SEL1L: variants seen among roughly 807,000 people sequenced by gnomAD.
The protein encoded by SEL1L is protein sel-1 homolog 1.
SEL1L carries 52 observed loss-of-function variants against 109.8 expected under a neutral mutation model. The observed-to-expected ratio is 0.47, with a 90% CI of 0.38 to 0.60. The LOEUF is 0.60. SEL1L is among the 20% of genes least tolerant of loss of function. SEL1L has a pLI of 0.00. For synonymous variants in SEL1L, 373 were observed against 339.6 expected (o/e 1.10, Z -1.08); for missense variants, 749 against 962.2 (o/e 0.78, Z 2.93).
intron 3 of SEL1L, among the ~76,000 whole-genome samples, chr14:81,522,533 G>C (rs375270313): frequency 2.0e-5 from 3 of 152,196 alleles, no homozygotes; most frequent in East Asian, 3.8e-4. Context: ...TAGCCTAGTA[G>C]CAATAGGCTA....
chr14:81,498,691 A>C (rs1883882845), intron 8 of SEL1L, 197 bp from the exon 9 acceptor site: 1 of 506,750 alleles, frequency 2.0e-6, no homozygotes, highest in East Asian at 3.1e-5. Context: ...GCTAAGAGCA[A>C]GGAAATAAAT....
At position 81,490,568 on chromosome 14, in the gene SEL1L, T is replaced by C. The variant is rs117739324; in HGVS notation, c.1255-103A>G. On this transcript the variant is annotated intron_variant, in intron 12 of 20. Coordinates refer to ENST00000336735, the MANE Select transcript of SEL1L (RefSeq NM_005065.6). ...GAGTTTTGTCAGATCTCATTAAATC[T>C]TTCCAAAAAATTTAGAATTCCCCAC... 3.4e-3 allele frequency: 3,095 copies of C among 907,136 alleles called. 10 individuals carry two copies. Among genetic ancestry groups the C allele is most frequent in the Non-Finnish European group, 4.2e-3 (2,399 of 573,572 alleles). 56.2% of individuals were successfully genotyped at this position (907,136 alleles called of 1,614,324 possible).
chr14:81,492,289 C>A (rs954129566), intron 12 of SEL1L, among the ~76,000 whole-genome samples, 191 bp downstream of exon 12: 10 of 152,228 alleles, frequency 6.6e-5, no homozygotes, highest in African/African-American at 2.4e-4. Flanking sequence ...CCGCGCCTGG[C>A]TGCAAACACT....
In SEL1L at chr14:81,490,479, C is replaced by T. The variant is rs201724402; in HGVS notation, c.1255-14G>A. 1.1e-3 allele frequency: 1,692 copies of T among 1,600,782 alleles called. 33 individuals are homozygous for T. In the South Asian group the frequency reaches 0.018, roughly 17 times the overall value. On this transcript the variant is annotated splice_polypyrimidine_tract_variant and intron_variant, in intron 12 of 20. Transcript: ENST00000336735. ...TTCCGAATACATCTGGAAAACAGAT[C>T]CCAATTTCAGTAAGAGCTGTAACCC... is the stretch of plus-strand genomic sequence containing the variant.
chr14:81,495,014 G>T, intron 11 of SEL1L, 67 bp downstream of exon 11: 2 of 1,479,536 alleles, frequency 1.4e-6, no homozygotes, highest in Non-Finnish European at 1.9e-6. Context: ...GACTTAGCAA[G>T]AAATACATTG....
At chr14:81,512,529 G>A (rs1311719838) in intron 3 of SEL1L, among the ~76,000 whole-genome samples, 1 of 152,178 alleles carries the variant, frequency 6.6e-6, no homozygotes, top group Non-Finnish European at 1.5e-5. Context: ...GAGGACCCAG[G>A]CCCTGAAGGT....
intron 3 of SEL1L, among the ~76,000 whole-genome samples, chr14:81,525,280 G>A (rs185572828): frequency 1.3e-5 from 2 of 152,162 alleles, no homozygotes; most frequent in Non-Finnish European, 2.9e-5. Flanking sequence ...TTGATGTAGT[G>A]TCTCATGCCT....
intron 10 of SEL1L, among the ~76,000 whole-genome samples, chr14:81,496,679 G>A (rs1178670767): frequency 2.0e-5 from 3 of 152,230 alleles, no homozygotes; most frequent in Non-Finnish European, 4.4e-5. Context: ...AGCGGAGGTT[G>A]CAGCGAGCTG....
chr14:81,510,124 C>A (rs1437685779), intron 3 of SEL1L, among the ~76,000 whole-genome samples: 2 of 152,144 alleles, frequency 1.3e-5, no homozygotes, highest in Non-Finnish European at 2.9e-5. Context: ...AAGAAAGTAT[C>A]TTCAGGGAAA....
chr14:81,490,965 T>C (rs1566972922), intron 12 of SEL1L, among the ~76,000 whole-genome samples: 1 of 152,240 alleles, frequency 6.6e-6, no homozygotes, highest in East Asian at 1.9e-4. Flanking sequence ...GCAAACATTT[T>C]AGTAATTATA....
chr14:81,489,994 C>T (rs777885386), intron 13 of SEL1L, among the ~76,000 whole-genome samples: 2 of 152,130 alleles, frequency 1.3e-5, no homozygotes, highest in Non-Finnish European at 2.9e-5. Context: ...ATTTCAGGTA[C>T]TCATATGCAG....
chr14:81,515,612 G>T (rs566278242), intron 3 of SEL1L, among the ~76,000 whole-genome samples: 1 of 152,150 alleles, frequency 6.6e-6, no homozygotes, highest in Non-Finnish European at 1.5e-5. Context: ...TTAGGAAAAA[G>T]CCCATGAATT....
intron 20 of SEL1L, among the ~76,000 whole-genome samples, chr14:81,479,094 A>G (rs1276099155): frequency 1.3e-5 from 2 of 152,204 alleles, no homozygotes; most frequent in Non-Finnish European, 2.9e-5. Flanking sequence ...AAAATGGGTA[A>G]CCCACTTCCT....
chr14:81,527,583 G>A (rs1885162736), intron 2 of SEL1L, 118 bp downstream of exon 2: 2 of 669,192 alleles, frequency 3.0e-6, no homozygotes, highest in South Asian at 2.7e-5. Context: ...GTCTTTTTCT[G>A]TCCTTTTTAA....
chr14:81,476,426 T>C lies in SEL1L; in HGVS notation c.*546A>G, dbSNP rs989975843. On this transcript the variant is annotated 3_prime_UTR_variant, in exon 21 of 21. Coordinates refer to ENST00000336735, the MANE Select transcript of SEL1L (RefSeq NM_005065.6). ...AACAAATATGCTGAATATGTCTAATTGCATGTGGACTGGTAAGAGTTTCTC... is the reference window on the plus strand; with the variant it reads ...AACAAATATGCTGAATATGTCTAATCGCATGTGGACTGGTAAGAGTTTCTC... 2.6e-5 allele frequency: 4 copies of C among 152,596 alleles called. No homozygotes were observed. Among genetic ancestry groups the C allele is most frequent in the African/African-American group, 4.8e-5 (2 of 41,400 alleles). 9.5% of individuals were successfully genotyped at this position (152,596 alleles called of 1,614,324 possible).
Position 81,531,119 on chromosome 14 carries a change from AACTAC to A in SEL1L, c.70+2551_70+2555del, listed in dbSNP as rs538360509. Among the ~76,000 whole-genome samples, 913 of 152,306 alleles carry A rather than the reference AACTAC, an allele frequency of 6.0e-3. 9 individuals carry two copies. The highest frequency in any genetic ancestry group is 0.021 in the African/African-American group (865 of 41,556). On this transcript the variant is annotated intron_variant, in intron 1 of 20. Transcript: ENST00000336735. ...CACTATTGTAAACACTGTACACTTA[AACTAC>A]ACTAAATTTATTTTTTAAAAAGTGT...
At chr14:81,482,243 G>A (rs1046825047) in intron 19 of SEL1L, among the ~76,000 whole-genome samples, 1 of 151,892 alleles carries the variant, frequency 6.6e-6, no homozygotes, top group Non-Finnish European at 1.5e-5. Flanking sequence ...ACATTTTCTT[G>A]TTTTATAAGC....
chr14:81,526,286 G>C (rs1885111102), intron 3 of SEL1L, among the ~76,000 whole-genome samples: 1 of 152,156 alleles, frequency 6.6e-6, no homozygotes, highest in South Asian at 2.1e-4. Flanking sequence ...TCAGCTGAGG[G>C]ATAAACACCT....
chr14:81,483,849 G>T (rs1204827438), intron 19 of SEL1L, among the ~76,000 whole-genome samples: 1 of 152,118 alleles, frequency 6.6e-6, no homozygotes, highest in Non-Finnish European at 1.5e-5. Context: ...TTAGGCAAGT[G>T]TAAGAATCAG....
Sources: gnomAD v4.1 joint callset for allele counts (sites outside exome capture counted in the v4.1 genomes callset) on GRCh38, gnomAD v4.1.1 for gene constraint, MANE v1.5 for transcripts, NCBI Gene and HGNC (gene_info 2026-07-23, HGNC 2026-07-21) for gene names.